PLCB1: variants seen among roughly 807,000 people sequenced by gnomAD.
PLCB1 encodes phospholipase C beta 1, also known as 1-phosphatidylinositol 4,5-bisphosphate phosphodiesterase beta-1.
A neutral mutation model predicts 161.8 loss-of-function variants in PLCB1; 46 were observed. The observed-to-expected ratio is 0.28, with a 90% CI of 0.22 to 0.36. The LOEUF is 0.36. Among genes scored for constraint, PLCB1 ranks in the 10% least tolerant of loss-of-function variants. PLCB1 has a pLI of 1.00. For synonymous variants in PLCB1, 517 were observed against 503.7 expected (o/e 1.03, Z -0.35); for missense variants, 1,016 against 1,472.5 (o/e 0.69, Z 5.07).
At chr20:8,452,417 A>C (rs181284099) in intron 3 of PLCB1, among the ~76,000 whole-genome samples, 5 of 152,356 alleles carry the variant, frequency 3.3e-5, no homozygotes, top group African/African-American at 9.6e-5. Flanking sequence ...GAGAAAACTT[A>C]GCTCTGCCAT....
At chr20:8,409,617 C>A (rs1272273197) in intron 3 of PLCB1, among the ~76,000 whole-genome samples, 1 of 151,886 alleles carries the variant, frequency 6.6e-6, no homozygotes, top group Admixed American at 6.6e-5. Flanking sequence ...CGCCCACCAC[C>A]ACGCCTGGCT....
chr20:8,854,373 C>G (rs746854852), intron 31 of PLCB1, among the ~76,000 whole-genome samples: 7 of 152,138 alleles, frequency 4.6e-5, no homozygotes, highest in Non-Finnish European at 1.0e-4. Flanking sequence ...TCTGTGATTT[C>G]TTCTTCATTC....
intron 31 of PLCB1, among the ~76,000 whole-genome samples, chr20:8,803,431 A>ATTTTTTT (rs11404680): frequency 1.4e-5 from 2 of 138,366 alleles, no homozygotes; most frequent in African/African-American, 2.7e-5. Flanking sequence ...TGGGCCTTTG[A>ATTTTTTT]TTTTTTTTTT....
chr20:8,650,574 T>G (rs1489712459), intron 7 of PLCB1, among the ~76,000 whole-genome samples: 1 of 152,196 alleles, frequency 6.6e-6, no homozygotes, highest in African/African-American at 2.4e-5. Flanking sequence ...GTTATTTTCT[T>G]CTACCCTACC....
At chr20:8,456,893 C>A (rs1340551875) in intron 3 of PLCB1, among the ~76,000 whole-genome samples, 1 of 152,144 alleles carries the variant, frequency 6.6e-6, no homozygotes, top group African/African-American at 2.4e-5. Flanking sequence ...GGGAGGGCAT[C>A]ACCCTCAGGA....
intron 3 of PLCB1, among the ~76,000 whole-genome samples, chr20:8,414,273 C>G (rs905872094): frequency 1.3e-5 from 2 of 152,054 alleles, no homozygotes; most frequent in Non-Finnish European, 2.9e-5. Context: ...GCTAAGCCAG[C>G]ATACTAAGGA....
intron 3 of PLCB1, among the ~76,000 whole-genome samples, chr20:8,406,361 G>C (rs1448022178): frequency 6.6e-6 from 1 of 152,156 alleles, no homozygotes; most frequent in African/African-American, 2.4e-5. Context: ...AAGGAAAAAT[G>C]GAAGAACATG....
intron 3 of PLCB1, among the ~76,000 whole-genome samples, chr20:8,576,127 G>T (rs1042972056): frequency 6.6e-6 from 1 of 151,918 alleles, no homozygotes; most frequent in Non-Finnish European, 1.5e-5. Flanking sequence ...TTATTTCCCA[G>T]GTCATCAAAT....
intron 3 of PLCB1, among the ~76,000 whole-genome samples, chr20:8,475,693 G>T (rs1310786664): frequency 6.6e-6 from 1 of 152,050 alleles, no homozygotes; most frequent in Non-Finnish European, 1.5e-5. Flanking sequence ...GGACTATTTG[G>T]TAGATATATA....
rs116611106 is a variant in PLCB1, at chr20:8,325,527, A to C, written c.178-45855A>C. Among the ~76,000 whole-genome samples the C allele has an allele frequency of 5.6e-3, 859 of 152,298 alleles. 4 individuals are homozygous for C. The highest frequency in any genetic ancestry group is 0.019 in the African/African-American group (787 of 41,544). ...GGAGTCAGAGACTGATGTGACACTT[A>C]AGTGGTACTTACTATGTTCCAGGTA... On this transcript the variant is annotated intron_variant, in intron 2 of 31. Coordinates refer to ENST00000338037, the MANE Select transcript of PLCB1 (RefSeq NM_015192.4).
chr20:8,453,110 A>G (rs1002891468), intron 3 of PLCB1, among the ~76,000 whole-genome samples: 1 of 152,180 alleles, frequency 6.6e-6, no homozygotes, highest in Non-Finnish European at 1.5e-5. Context: ...TGGAATTGTA[A>G]CTTTGTTTCT....
At chr20:8,366,272 A>G (rs1040381233) in intron 2 of PLCB1, among the ~76,000 whole-genome samples, 9 of 152,138 alleles carry the variant, frequency 5.9e-5, no homozygotes, top group African/African-American at 1.7e-4. Context: ...CACAGGGTAT[A>G]TATGTGGAAA....
intron 3 of PLCB1, among the ~76,000 whole-genome samples, chr20:8,523,591 T>C (rs987284639): frequency 6.9e-6 from 1 of 145,942 alleles, no homozygotes; most frequent in East Asian, 2.0e-4. Flanking sequence ...AATCTAGCAG[T>C]ATGAGAATTT....
chr20:8,878,488 C>T (rs562156915), intron 31 of PLCB1, among the ~76,000 whole-genome samples: 24 of 152,174 alleles, frequency 1.6e-4, no homozygotes, highest in Non-Finnish European at 3.5e-4. Flanking sequence ...CCCAGTGACT[C>T]GTATGTGCCA....
intron 23 of PLCB1, among the ~76,000 whole-genome samples, chr20:8,748,039 T>C (rs935952035): frequency 6.6e-6 from 1 of 152,230 alleles, no homozygotes; most frequent in Admixed American, 6.5e-5. Context: ...TATTTTGGAT[T>C]CTCTTTAAAT....
In PLCB1 at chr20:8,591,434, G is replaced by T. The variant is rs189933798; in HGVS notation, c.247-36860G>T. Among the ~76,000 whole-genome samples, 59 of 152,216 alleles carry T rather than the reference G, an allele frequency of 3.9e-4. 1 individual carries two copies. The highest frequency in any genetic ancestry group is 1.4e-3 in the African/African-American group (57 of 41,544). On this transcript the variant is annotated intron_variant, in intron 3 of 31. Coordinates refer to ENST00000338037, the MANE Select transcript of PLCB1 (RefSeq NM_015192.4). ...GTCCTGCAACACTAAAGAACATAAA[G>T]AATCAAAGAGCTTTATTTTTCATCT...
At chr20:8,402,222 C>T (rs1341664181) in intron 3 of PLCB1, among the ~76,000 whole-genome samples, 1 of 151,886 alleles carries the variant, frequency 6.6e-6, no homozygotes, top group East Asian at 1.9e-4. Context: ...TCCTAAAAAC[C>T]ATGTGTATTT....
chr20:8,365,317 G>A (rs1376704763), intron 2 of PLCB1, among the ~76,000 whole-genome samples: 2 of 152,180 alleles, frequency 1.3e-5, no homozygotes, highest in African/African-American at 4.8e-5. Flanking sequence ...TTAAATCTAA[G>A]TGTGTTTAAA....
At chr20:8,317,519 C>T (rs1304653387) in intron 2 of PLCB1, among the ~76,000 whole-genome samples, 1 of 151,984 alleles carries the variant, frequency 6.6e-6, no homozygotes, top group South Asian at 2.1e-4. Context: ...TTTACACCCC[C>T]CCATCCCCCC....
Sources: gnomAD v4.1 joint callset for allele counts (sites outside exome capture counted in the v4.1 genomes callset) on GRCh38, gnomAD v4.1.1 for gene constraint, MANE v1.5 for transcripts, NCBI Gene and HGNC (gene_info 2026-07-23, HGNC 2026-07-21) for gene names.